The following ADGRL2 variants were observed in gnomAD, a reference collection of about 807,000 sequenced individuals.
The protein encoded by ADGRL2 is calcium-independent alpha-latrotoxin receptor 2.
In ADGRL2, 44 loss-of-function variants were observed where a neutral mutation model predicts 157.4. The ratio of observed to expected loss-of-function variants is 0.28; its 90% CI spans 0.22 to 0.36. The LOEUF (loss-of-function observed/expected upper bound fraction) is 0.36, where lower values mean the gene tolerates loss of function less well. ADGRL2 is among the 10% of genes least tolerant of loss of function. ADGRL2 has a pLI of 1.00. For missense variants in ADGRL2, 1,510 were observed against 1,768.9 expected (o/e 0.85, Z 2.63); for synonymous variants, 585 against 624.7 (o/e 0.94, Z 0.95).
At chr1:81,646,695 C>T (rs144629398) in intron 3 of ADGRL2, among the ~76,000 whole-genome samples, 46 of 152,226 alleles carry the variant, frequency 3.0e-4, no homozygotes, top group Non-Finnish European at 5.0e-4. Flanking sequence ...GTCAGTAGGT[C>T]CTTTTTTGGA....
intron 1 of ADGRL2, among the ~76,000 whole-genome samples, chr1:81,816,991 G>A (rs568263704): frequency 6.6e-6 from 1 of 150,446 alleles, no homozygotes; most frequent in East Asian, 2.0e-4. Context: ...TATTTAGGGG[G>A]TACAAGCACA....
At chr1:81,474,947 G>A (rs1165706536) in intron 2 of ADGRL2, among the ~76,000 whole-genome samples, 1 of 152,116 alleles carries the variant, frequency 6.6e-6, no homozygotes, top group Non-Finnish European at 1.5e-5. Context: ...GCTGCCACCA[G>A]TATAGTTCCT....
chr1:81,646,465 AAAT>A (rs1014783480), intron 3 of ADGRL2, among the ~76,000 whole-genome samples: 3 of 152,334 alleles, frequency 2.0e-5, no homozygotes, highest in Middle Eastern at 3.4e-3. Flanking sequence ...ATTGCTTCTC[AAAT>A]AATCTCAATA....
intron 3 of ADGRL2, among the ~76,000 whole-genome samples, chr1:81,671,160 A>G (rs2082867411): frequency 6.6e-6 from 1 of 152,158 alleles, no homozygotes. Flanking sequence ...GTATGTGCCT[A>G]ACCTTCATCT....
chr1:81,633,670 A>G (rs1195921023), intron 3 of ADGRL2, among the ~76,000 whole-genome samples: 1 of 151,836 alleles, frequency 6.6e-6, no homozygotes, highest in African/African-American at 2.4e-5. Context: ...ATTTCAGTAA[A>G]TAGCACCACC....
At chr1:81,682,853 C>G (rs755956002) in intron 3 of ADGRL2, among the ~76,000 whole-genome samples, 2 of 152,124 alleles carry the variant, frequency 1.3e-5, no homozygotes, top group Non-Finnish European at 1.5e-5. Flanking sequence ...TGTTTTGGGC[C>G]GGGCGCAGTG....
intron 1 of ADGRL2, among the ~76,000 whole-genome samples, chr1:81,366,441 A>G (rs2076068500): frequency 6.6e-6 from 1 of 152,218 alleles, no homozygotes; most frequent in South Asian, 2.1e-4. Context: ...TAGTAAAACA[A>G]AGAACTGTAA....
At chr1:81,560,181 T>G (rs756235048) in intron 2 of ADGRL2, among the ~76,000 whole-genome samples, 28 of 152,132 alleles carry the variant, frequency 1.8e-4, no homozygotes, top group Non-Finnish European at 3.5e-4. Context: ...AACAAAACAT[T>G]TCAAAGAGTA....
chr1:81,962,057 A>T (rs1655593378), intron 11 of ADGRL2, among the ~76,000 whole-genome samples: 1 of 151,966 alleles, frequency 6.6e-6, no homozygotes, highest in South Asian at 2.1e-4. Context: ...ACACACACAT[A>T]CTCCCTAGAA....
intron 1 of ADGRL2, among the ~76,000 whole-genome samples, chr1:81,747,026 G>A (rs1241982738): frequency 7.0e-6 from 1 of 142,638 alleles, no homozygotes; most frequent in African/African-American, 2.6e-5. Flanking sequence ...GTATACACGT[G>A]TATATACGTA....
At chr1:81,568,880 C>G (rs1570528904) in intron 2 of ADGRL2, among the ~76,000 whole-genome samples, 1 of 152,094 alleles carries the variant, frequency 6.6e-6, no homozygotes, top group Non-Finnish European at 1.5e-5. Context: ...TCTCCATCCT[C>G]TACTGTTAAT....
chr1:81,750,717 A>G (rs1384420747), intron 1 of ADGRL2, among the ~76,000 whole-genome samples: 1 of 150,608 alleles, frequency 6.6e-6, no homozygotes, highest in East Asian at 1.9e-4. Flanking sequence ...ACTCCATTTC[A>G]AAAACAAAAA....
chr1:81,815,283 T>G (rs2090284548), intron 1 of ADGRL2, among the ~76,000 whole-genome samples: 1 of 151,824 alleles, frequency 6.6e-6, no homozygotes, highest in South Asian at 2.1e-4. Flanking sequence ...GTCAGAGGCC[T>G]TAACTAAAAA....
chr1:81,912,837 G>A (rs2148445582), intron 3 of ADGRL2, among the ~76,000 whole-genome samples: 1 of 152,226 alleles, frequency 6.6e-6, no homozygotes. Context: ...TTTCAAGATA[G>A]AAATCAAGAA....
At chr1:81,721,878 A>C in intron 1 of ADGRL2, 4 of 760,120 alleles carry the variant, frequency 5.3e-6, no homozygotes, top group South Asian at 4.0e-5. Flanking sequence ...ACCTGATAGT[A>C]AGAAGGTGGA....
At chr1:81,618,613 A>G (rs2081716942) in intron 3 of ADGRL2, among the ~76,000 whole-genome samples, 1 of 152,196 alleles carries the variant, frequency 6.6e-6, no homozygotes, top group Admixed American at 6.5e-5. Flanking sequence ...CTGTTCACAT[A>G]GCAAATAGCT....
At chr1:81,532,031 C>T (rs929815486) in intron 2 of ADGRL2, among the ~76,000 whole-genome samples, 6 of 152,168 alleles carry the variant, frequency 3.9e-5, no homozygotes, top group Non-Finnish European at 7.3e-5. Context: ...GGAATTAAAA[C>T]TAAATTCGAA....
At chr1:81,414,950 A>G (rs2077008558) in intron 1 of ADGRL2, among the ~76,000 whole-genome samples, 1 of 152,166 alleles carries the variant, frequency 6.6e-6, no homozygotes, top group South Asian at 2.1e-4. Flanking sequence ...TCCGTTTCCC[A>G]TCTGGTTATT....
At chr1:81,631,699 T>C in intron 3 of ADGRL2, among the ~76,000 whole-genome samples, 1 of 152,144 alleles carries the variant, frequency 6.6e-6, no homozygotes, top group East Asian at 1.9e-4. Flanking sequence ...GAAACATTGG[T>C]TTAATATATA....
Sources: gnomAD v4.1 joint callset for allele counts (sites outside exome capture counted in the v4.1 genomes callset) on GRCh38, gnomAD v4.1.1 for gene constraint, MANE v1.5 for transcripts, NCBI Gene and HGNC (gene_info 2026-07-23, HGNC 2026-07-21) for gene names.